The following ZNF385B variants were observed in gnomAD, a reference collection of about 807,000 sequenced individuals.
ZNF385B encodes zinc finger protein 533.
In ZNF385B, 23 loss-of-function variants were observed where a neutral mutation model predicts 39.2. That is an observed-to-expected ratio of 0.59 (90% CI 0.42 to 0.83). The LOEUF (loss-of-function observed/expected upper bound fraction) is 0.83. ZNF385B is among the 40% of genes least tolerant of loss of function. The pLI, the probability that ZNF385B is intolerant of heterozygous loss-of-function variation, is 0.00. For missense variants in ZNF385B, 552 were observed against 598.9 expected (o/e 0.92, Z 0.82); for synonymous variants, 205 against 222.6 (o/e 0.92, Z 0.70).
rs138286224 is a variant in ZNF385B, at chr2:179,661,751, T to A, written c.298+107752A>T. On this transcript the variant is annotated intron_variant, in intron 3 of 9. Coordinates refer to ENST00000410066, the MANE Select transcript of ZNF385B (RefSeq NM_152520.6). ...GTGTGCATCCATAATCATTTGCGTCTTATAATAACTACCCACAAGGAAGTA... is the reference window on the plus strand; with the variant it reads ...GTGTGCATCCATAATCATTTGCGTCATATAATAACTACCCACAAGGAAGTA... 9.3e-4 allele frequency among the ~76,000 whole-genome samples: 142 copies of A among 152,342 alleles called. 2 individuals are homozygous for A. The East Asian group carries it at 0.026, about 28-fold the overall frequency.
intron 1 of ZNF385B, among the ~76,000 whole-genome samples, chr2:179,807,488 C>T (rs984437736): frequency 1.3e-5 from 2 of 151,890 alleles, no homozygotes; most frequent in Non-Finnish European, 2.9e-5. Flanking sequence ...GAGGCTGAGG[C>T]CAGAGAATCG....
At chr2:179,820,996 T>G (rs888577383) in intron 1 of ZNF385B, among the ~76,000 whole-genome samples, 2 of 152,206 alleles carry the variant, frequency 1.3e-5, no homozygotes, top group African/African-American at 4.8e-5. Flanking sequence ...TTTGTGCACT[T>G]CAGAGCAACC....
intron 1 of ZNF385B, among the ~76,000 whole-genome samples, chr2:179,844,005 T>G (rs1708674612): frequency 6.6e-6 from 1 of 152,202 alleles, no homozygotes; most frequent in Non-Finnish European, 1.5e-5. Flanking sequence ...AAGAATTCCT[T>G]CCTCTTAACC....
chr2:179,472,855 T>C (rs902219116), intron 6 of ZNF385B, among the ~76,000 whole-genome samples: 2 of 152,044 alleles, frequency 1.3e-5, no homozygotes, highest in African/African-American at 2.4e-5. Flanking sequence ...TTTCCACAGA[T>C]GGGGATGTGT....
At chr2:179,640,300 G>T (rs1248673176) in intron 3 of ZNF385B, among the ~76,000 whole-genome samples, 1 of 152,022 alleles carries the variant, frequency 6.6e-6, no homozygotes, top group Non-Finnish European at 1.5e-5. Context: ...AATATTCCCA[G>T]GTATTTTGCA....
intron 3 of ZNF385B, among the ~76,000 whole-genome samples, chr2:179,686,633 A>T (rs963850246): frequency 2.0e-5 from 3 of 152,152 alleles, no homozygotes; most frequent in African/African-American, 7.2e-5. Flanking sequence ...TGAGTTTATG[A>T]TTTAGTATAC....
chr2:179,753,395 G>T (rs900092565), intron 3 of ZNF385B, among the ~76,000 whole-genome samples: 1 of 152,040 alleles, frequency 6.6e-6, no homozygotes, highest in African/African-American at 2.4e-5. Flanking sequence ...TTGCTCTTTT[G>T]GCTTAGGATT....
chr2:179,615,736 C>G (rs965267705), intron 3 of ZNF385B, among the ~76,000 whole-genome samples: 1 of 152,106 alleles, frequency 6.6e-6, no homozygotes, highest in Non-Finnish European at 1.5e-5. Flanking sequence ...AATACACAAG[C>G]CTTGACCTTA....
intron 1 of ZNF385B, among the ~76,000 whole-genome samples, chr2:179,849,170 C>T (rs766008162): frequency 5.3e-5 from 8 of 152,194 alleles, no homozygotes; most frequent in Non-Finnish European, 8.8e-5. Flanking sequence ...CTTCTAAGCC[C>T]AACACTGCTT....
At chr2:179,852,258 T>C (rs761447725) in intron 1 of ZNF385B, among the ~76,000 whole-genome samples, 9 of 152,158 alleles carry the variant, frequency 5.9e-5, no homozygotes, top group Non-Finnish European at 1.0e-4. Flanking sequence ...TTGCTTTTCC[T>C]AGGATGCAGA....
intron 1 of ZNF385B, among the ~76,000 whole-genome samples, chr2:179,800,440 G>A (rs1705955745): frequency 6.6e-6 from 1 of 151,996 alleles, no homozygotes; most frequent in Non-Finnish European, 1.5e-5. Context: ...TGAAATCAAA[G>A]CTGAGGAAAT....
At chr2:179,739,871 G>A (rs1701985830) in intron 3 of ZNF385B, among the ~76,000 whole-genome samples, 1 of 151,944 alleles carries the variant, frequency 6.6e-6, no homozygotes, top group South Asian at 2.1e-4. Flanking sequence ...CTGCAAGAGT[G>A]GTATTCATTG....
At chr2:179,445,158 GT>G (rs2049344422) in intron 8 of ZNF385B, among the ~76,000 whole-genome samples, 181 bp from the exon 9 acceptor site, 1 of 152,046 alleles carries the variant, frequency 6.6e-6, no homozygotes, top group Non-Finnish European at 1.5e-5. Flanking sequence ...ATGCCCCTCT[GT>G]CCCCCTCCTG....
At chr2:179,786,417 T>C (rs912447040) in intron 1 of ZNF385B, among the ~76,000 whole-genome samples, 1 of 152,158 alleles carries the variant, frequency 6.6e-6, no homozygotes, top group Non-Finnish European at 1.5e-5. Flanking sequence ...TTTTCAATTA[T>C]GAATATCTTT....
intron 1 of ZNF385B, among the ~76,000 whole-genome samples, chr2:179,802,042 C>A (rs965357053): frequency 6.6e-6 from 1 of 152,084 alleles, no homozygotes; most frequent in Admixed American, 6.6e-5. Context: ...ACTGAAATAA[C>A]GTAATTCAAA....
At chr2:179,717,046 A>AT (rs1700373117) in intron 3 of ZNF385B, among the ~76,000 whole-genome samples, 2 of 152,216 alleles carry the variant, frequency 1.3e-5, no homozygotes, top group African/African-American at 4.8e-5. Flanking sequence ...ACTGCTGCAC[A>AT]TTAAGCTACC....
At chr2:179,496,727 T>G (rs2056253093) in intron 5 of ZNF385B, among the ~76,000 whole-genome samples, 1 of 152,186 alleles carries the variant, frequency 6.6e-6, no homozygotes, top group African/African-American at 2.4e-5. Context: ...TATCCTAGAA[T>G]AGTCTATCTG....
chr2:179,776,631 G>A (rs1029351271), intron 1 of ZNF385B, among the ~76,000 whole-genome samples: 2 of 152,096 alleles, frequency 1.3e-5, no homozygotes, highest in African/African-American at 4.8e-5. Flanking sequence ...ATGGCATCTG[G>A]GGTGAAAGCC....
At chr2:179,546,136 G>C (rs941106699) in intron 3 of ZNF385B, among the ~76,000 whole-genome samples, 2 of 152,030 alleles carry the variant, frequency 1.3e-5, no homozygotes, top group African/African-American at 4.8e-5. Context: ...CCTGGGCTCT[G>C]GTGAGCCCCC....
Sources: gnomAD v4.1 joint callset for allele counts (sites outside exome capture counted in the v4.1 genomes callset) on GRCh38, gnomAD v4.1.1 for gene constraint, MANE v1.5 for transcripts, NCBI Gene and HGNC (gene_info 2026-07-23, HGNC 2026-07-21) for gene names.